Variants in POU6F2 observed in about 807,000 individuals in gnomAD.
POU6F2 encodes POU domain, class 6, transcription factor 2.
A neutral mutation model predicts 71.3 loss-of-function variants in POU6F2; 31 were observed. The observed-to-expected ratio is 0.43, with a 90% CI of 0.33 to 0.59. The LOEUF is 0.59. POU6F2 is among the 20% of genes least tolerant of loss of function. POU6F2 has a pLI of 0.04. For synonymous variants in POU6F2, 347 were observed against 355.7 expected, an observed-to-expected ratio of 0.98 and a Z score of 0.27; for missense variants, 783 against 856.8, an observed-to-expected ratio of 0.91 and a Z score of 1.07.
At chr7:39,025,345 A>C (rs951331386) in intron 1 of POU6F2, among the ~76,000 whole-genome samples, 7 of 152,178 alleles carry the variant, frequency 4.6e-5, no homozygotes, top group African/African-American at 1.4e-4. Context: ...CTGACTTCAG[A>C]CTACACTACA....
intron 8 of POU6F2, among the ~76,000 whole-genome samples, chr7:39,453,610 CAGAT>C (rs1180971891): frequency 1.3e-5 from 2 of 152,210 alleles, no homozygotes; most frequent in Non-Finnish European, 2.9e-5. Flanking sequence ...AGCAGACAGT[CAGAT>C]GGATGGAACT....
chr7:39,019,890 G>A (rs1789643219), intron 1 of POU6F2, among the ~76,000 whole-genome samples: 1 of 152,074 alleles, frequency 6.6e-6, no homozygotes, highest in Non-Finnish European at 1.5e-5. Flanking sequence ...TCCAGCATCA[G>A]AGAATCAATG....
chr7:39,065,705 T>C (rs1174291827), intron 1 of POU6F2, among the ~76,000 whole-genome samples: 1 of 151,580 alleles, frequency 6.6e-6, no homozygotes, highest in Non-Finnish European at 1.5e-5. Flanking sequence ...TGTATATAGA[T>C]GAATTTATAA....
chr7:39,195,149 AATT>A (rs2128743966), intron 2 of POU6F2, among the ~76,000 whole-genome samples: 1 of 152,354 alleles, frequency 6.6e-6, no homozygotes, highest in African/African-American at 2.4e-5. Flanking sequence ...CTATTGTCCC[AATT>A]ATTAATGTTC....
At chr7:39,343,373 T>C (rs1298007894) in intron 5 of POU6F2, among the ~76,000 whole-genome samples, 1 of 146,718 alleles carries the variant, frequency 6.8e-6, no homozygotes, top group Non-Finnish European at 1.5e-5. Context: ...GAAACATAAA[T>C]GGAAGCAATC....
chr7:39,438,372 T>C (rs1326200703), intron 7 of POU6F2, among the ~76,000 whole-genome samples: 1 of 152,190 alleles, frequency 6.6e-6, no homozygotes, highest in Non-Finnish European at 1.5e-5. Context: ...TTGTTCCAAG[T>C]CTTTGCTGTT....
At chr7:39,417,699 A>G (rs914102853) in intron 6 of POU6F2, among the ~76,000 whole-genome samples, 1 of 152,134 alleles carries the variant, frequency 6.6e-6, no homozygotes, top group Non-Finnish European at 1.5e-5. Flanking sequence ...CAATAAACCA[A>G]TCTCCTTAGA....
At chr7:39,015,837 A>AATATATTATATATAGATATATATT (rs1562670672) in intron 1 of POU6F2, among the ~76,000 whole-genome samples, 3 of 38,448 alleles carry the variant, frequency 7.8e-5, no homozygotes, top group African/African-American at 2.1e-4. Flanking sequence ...ATAGATATAT[A>AATATATTATATATAGATATATATT]ATATATTATA....
intron 4 of POU6F2, among the ~76,000 whole-genome samples, chr7:39,319,511 A>G (rs1354470142): frequency 6.6e-6 from 1 of 152,178 alleles, no homozygotes; most frequent in Non-Finnish European, 1.5e-5. Flanking sequence ...GCATGCTGAG[A>G]TATATTCACC....
At chr7:39,344,730 T>G (rs1248702687) in intron 5 of POU6F2, among the ~76,000 whole-genome samples, 1 of 152,148 alleles carries the variant, frequency 6.6e-6, no homozygotes, top group Non-Finnish European at 1.5e-5. Flanking sequence ...TTTTTTCATC[T>G]ATAAAAGGGA....
At chr7:39,424,744 C>T (rs992561060) in intron 6 of POU6F2, among the ~76,000 whole-genome samples, 1 of 151,670 alleles carries the variant, frequency 6.6e-6, no homozygotes, top group African/African-American at 2.4e-5. Context: ...TGGCAAATCT[C>T]ATAATTACAG....
At chr7:39,424,894 T>C (rs1787933282) in intron 6 of POU6F2, among the ~76,000 whole-genome samples, 1 of 151,846 alleles carries the variant, frequency 6.6e-6, no homozygotes, top group Non-Finnish European at 1.5e-5. Context: ...ATTATTGTAG[T>C]AGGAACTGTC....
At chr7:39,148,653 G>T (rs1209787702) in intron 2 of POU6F2, among the ~76,000 whole-genome samples, 1 of 151,536 alleles carries the variant, frequency 6.6e-6, no homozygotes, top group East Asian at 1.9e-4. Flanking sequence ...CATGGATATT[G>T]CTAAATGAGC....
At chr7:39,170,272 G>T (rs995705637) in intron 2 of POU6F2, among the ~76,000 whole-genome samples, 2 of 152,162 alleles carry the variant, frequency 1.3e-5, no homozygotes, top group Non-Finnish European at 2.9e-5. Flanking sequence ...TGGAGAGTTA[G>T]ATTGGTAAAA....
At chr7:39,205,322 T>C (rs951886297) in intron 3 of POU6F2, among the ~76,000 whole-genome samples, 5 of 152,098 alleles carry the variant, frequency 3.3e-5, no homozygotes, top group African/African-American at 1.2e-4. Context: ...TATGTGTGTC[T>C]GTGTGTGTGT....
chr7:39,027,817 T>G (rs1789847840), intron 1 of POU6F2, among the ~76,000 whole-genome samples: 1 of 152,202 alleles, frequency 6.6e-6, no homozygotes, highest in South Asian at 2.1e-4. Context: ...ATACCTCCAT[T>G]GCTTTGTACA....
intron 2 of POU6F2, among the ~76,000 whole-genome samples, chr7:39,164,392 G>A (rs1793068718): frequency 7.4e-6 from 1 of 135,708 alleles, no homozygotes; most frequent in Non-Finnish European, 1.6e-5. Flanking sequence ...CAGGGTGGCA[G>A]GGTAGGTGGA....
intron 4 of POU6F2, among the ~76,000 whole-genome samples, chr7:39,253,229 A>G (rs1422101742): frequency 6.6e-6 from 1 of 152,236 alleles, no homozygotes; most frequent in Admixed American, 6.5e-5. Flanking sequence ...TGGAGGGTGG[A>G]GAATTTCCAA....
chr7:39,283,221 A>G (rs953252033), intron 4 of POU6F2, among the ~76,000 whole-genome samples: 2 of 152,170 alleles, frequency 1.3e-5, no homozygotes, highest in African/African-American at 4.8e-5. Flanking sequence ...TATGTCATCC[A>G]TAAATACGGA....
Sources: gnomAD v4.1 joint callset for allele counts (sites outside exome capture counted in the v4.1 genomes callset) on GRCh38, gnomAD v4.1.1 for gene constraint, MANE v1.5 for transcripts, NCBI Gene and HGNC (gene_info 2026-07-23, HGNC 2026-07-21) for gene names.